The following OR56A3 variants were observed in gnomAD, a reference collection of about 807,000 sequenced individuals.
OR56A3 encodes the protein olfactory receptor 56A3.
Under a neutral mutation model 17.5 loss-of-function variants are expected in OR56A3, and 23 were observed. The ratio of observed to expected loss-of-function variants is 1.32; its 90% confidence interval spans 0.95 to 1.87. The LOEUF (loss-of-function observed/expected upper bound fraction) is 1.87. Among genes scored for constraint, OR56A3 ranks in the 40% most tolerant of loss-of-function variants. The probability of loss-of-function intolerance (pLI) is 0.00; values close to 1 mark genes in which losing one functional copy is unlikely to be tolerated. For synonymous variants in OR56A3, 175 were observed against 150.6 expected (o/e 1.16, Z -1.19); for missense variants, 366 against 380.1 (o/e 0.96, Z 0.31).
chr11:6,015,741 C>T, the OR56A3 span, among the ~76,000 whole-genome samples: 1 of 152,172 alleles, frequency 6.6e-6, no homozygotes, highest in Non-Finnish European at 1.5e-5. Context: ...GGGCCTGTAG[C>T]ACTTTTCCTT....
the OR56A3 span, chr11:5,993,846 C>T: frequency 1.1e-4 from 48 of 421,628 alleles, no homozygotes; most frequent in Admixed American, 1.4e-3. Flanking sequence ...GCCTCCTGCT[C>T]CCTAAAGGGT....
At chr11:5,956,426 T>C in the OR56A3 span, among the ~76,000 whole-genome samples, 1 of 152,204 alleles carries the variant, frequency 6.6e-6, no homozygotes. Context: ...ACAGACATCC[T>C]AACACAATTA....
chr11:5,982,632 C>A, the OR56A3 span, among the ~76,000 whole-genome samples: 1 of 152,128 alleles, frequency 6.6e-6, no homozygotes, highest in East Asian at 1.9e-4. Flanking sequence ...AGGTCAAAGC[C>A]ACCTAGAGGA....
At chr11:5,993,677 T>G in the OR56A3 span, among the ~76,000 whole-genome samples, 2 of 152,172 alleles carry the variant, frequency 1.3e-5, no homozygotes, top group Non-Finnish European at 2.9e-5. Flanking sequence ...ATTAATATAA[T>G]GCAAACCACA....
chr11:5,967,696 C>A, the OR56A3 span: 2 of 1,613,308 alleles, frequency 1.2e-6, no homozygotes, highest in East Asian at 2.2e-5. Flanking sequence ...CTCTTCCTGG[C>A]CAGGTTAGTG....
chr11:5,969,231 C>T, the OR56A3 span, among the ~76,000 whole-genome samples: 1 of 152,188 alleles, frequency 6.6e-6, no homozygotes, highest in Non-Finnish European at 1.5e-5. Flanking sequence ...CATTTATAAC[C>T]ACTAACCTAA....
rs1247660478 is a variant in OR56A3 at position 5,949,176 on chromosome 11, A to G, written c.*882A>G. On this transcript the variant is annotated 3_prime_UTR_variant, in exon 3 of 3. Coordinates refer to ENST00000641160, the MANE Select transcript of OR56A3 (RefSeq NM_001003443.3). ...TTAATTGGACAGCTTCTAAGCACACATGGTGTCCTGTGAATTATGTTAGCT... is the reference window on the plus strand; with the variant it reads ...TTAATTGGACAGCTTCTAAGCACACGTGGTGTCCTGTGAATTATGTTAGCT... 1 of 152,236 alleles carries G rather than the reference A, an allele frequency of 6.6e-6. No homozygotes were observed. The highest frequency in any genetic ancestry group is 2.4e-5 in the African/African-American group (1 of 41,460). The allele number at this position is 152,236 out of a possible 1,614,324, so 9.4% of individuals were successfully genotyped here. A position where few individuals can be genotyped will look rare whatever the true frequency, so the allele number is the denominator to read the frequency against.
chr11:6,020,176 T>C, the OR56A3 span: 1 of 152,014 alleles, frequency 6.6e-6, no homozygotes, highest in East Asian at 1.9e-4. Context: ...AGAAAATACA[T>C]TGTTTCCAAT....
At chr11:6,013,830 C>A in the OR56A3 span, among the ~76,000 whole-genome samples, 4 of 152,184 alleles carry the variant, frequency 2.6e-5, no homozygotes, top group African/African-American at 9.7e-5. Context: ...TATGTGCTAC[C>A]TGGGGGCCTG....
chr11:5,969,245 G>A, the OR56A3 span, among the ~76,000 whole-genome samples: 12 of 152,176 alleles, frequency 7.9e-5, no homozygotes, highest in Non-Finnish European at 1.5e-4. Context: ...AACCTAAAAT[G>A]AGAACTTAAC....
the OR56A3 span, among the ~76,000 whole-genome samples, chr11:5,965,783 G>C: frequency 1.3e-5 from 2 of 152,142 alleles, no homozygotes; most frequent in African/African-American, 4.8e-5. Flanking sequence ...GTAAATAAAG[G>C]ATGGGTTTGT....
At chr11:5,978,605 G>C in the OR56A3 span, among the ~76,000 whole-genome samples, 1 of 151,772 alleles carries the variant, frequency 6.6e-6, no homozygotes, top group Non-Finnish European at 1.5e-5. Context: ...TCAGATTTAG[G>C]GGCCTTTAGG....
At chr11:5,957,373 A>G in the OR56A3 span, among the ~76,000 whole-genome samples, 1 of 152,146 alleles carries the variant, frequency 6.6e-6, no homozygotes, top group African/African-American at 2.4e-5. Flanking sequence ...TACTTTCTTA[A>G]TCTATCTCAT....
the OR56A3 span, chr11:6,006,276 T>C: frequency 2.6e-5 from 4 of 152,316 alleles, no homozygotes; most frequent in South Asian, 4.1e-4. Context: ...GCTGGAATGA[T>C]TTTTCCTCCC....
chr11:5,967,711 C>T, the OR56A3 span: 1 of 1,613,040 alleles, frequency 6.2e-7, no homozygotes. Flanking sequence ...TTAGTGATGA[C>T]CAGAACCAGC....
At chr11:6,000,126 G>A in the OR56A3 span, 1 of 152,200 alleles carries the variant, frequency 6.6e-6, no homozygotes, top group Non-Finnish European at 1.5e-5. Context: ...CATACCCAAA[G>A]GATTATAAAT....
At position 5,950,799 on chromosome 11, in the gene OR56A3, A is replaced by T. The variant is rs968984529; in HGVS notation, c.*2505A>T. ...ACACTTAACATACATTTTAATTCAG[A>T]CTACCCAGATTCCAAGCATTCAATA... On this transcript the variant is annotated 3_prime_UTR_variant, in exon 3 of 3. Coordinates refer to ENST00000641160, the MANE Select transcript of OR56A3 (RefSeq NM_001003443.3). 3 of 152,120 alleles carry T rather than the reference A, an allele frequency of 2.0e-5. No homozygotes were observed. The highest frequency in any genetic ancestry group is 7.2e-5 in the African/African-American group (3 of 41,446). 9.4% of individuals were successfully genotyped at this position (152,120 alleles called of 1,614,324 possible).
chr11:5,960,105 C>T, the OR56A3 span, among the ~76,000 whole-genome samples: 1 of 152,040 alleles, frequency 6.6e-6, no homozygotes, highest in African/African-American at 2.4e-5. Flanking sequence ...AGTGTGATGC[C>T]TTCATTTTTG....
the OR56A3 span, among the ~76,000 whole-genome samples, chr11:5,959,031 A>T: frequency 6.6e-6 from 1 of 152,222 alleles, no homozygotes; most frequent in Non-Finnish European, 1.5e-5. Flanking sequence ...TAATCTATGG[A>T]TGAACACATA....
Sources: allele counts gnomAD v4.1 joint callset (sites outside exome capture counted in the v4.1 genomes callset), GRCh38; gene constraint gnomAD v4.1.1; transcripts MANE v1.5; gene names NCBI Gene and HGNC (gene_info 2026-07-23, HGNC 2026-07-21).